The following TRPS1 variants were observed in gnomAD, a reference collection of about 807,000 sequenced individuals.
TRPS1 encodes transcriptional repressor GATA binding 1.
TRPS1 carries 6 observed loss-of-function variants against 101.2 expected under a neutral mutation model. The ratio of observed to expected loss-of-function variants is 0.06; its 90% CI spans 0.03 to 0.12. The LOEUF (loss-of-function observed/expected upper bound fraction) is 0.12. Among genes scored for constraint, TRPS1 ranks in the 10% least tolerant of loss-of-function variants. The probability of loss-of-function intolerance (pLI) is 1.00; values close to 1 mark genes in which losing one functional copy is unlikely to be tolerated. For synonymous variants in TRPS1, 578 were observed against 589.8 expected, an observed-to-expected ratio of 0.98 and a Z score of 0.29; for missense variants, 1,363 against 1,567.0, an observed-to-expected ratio of 0.87 and a Z score of 2.20.
chr8:115,485,166 C>T (rs800908), intron 5 of TRPS1, among the ~76,000 whole-genome samples: 67,758 of 152,040 alleles, frequency 0.45, 15,725 homozygotes, highest in African/African-American at 0.55. Flanking sequence ...GTCAGAGAGA[C>T]GTGCATCACC....
At chr8:115,520,525 A>C (rs1302470531) in intron 5 of TRPS1, among the ~76,000 whole-genome samples, 1 of 151,832 alleles carries the variant, frequency 6.6e-6, no homozygotes, top group Non-Finnish European at 1.5e-5. Context: ...GAATATTTTA[A>C]AGATGACATC....
intron 5 of TRPS1, among the ~76,000 whole-genome samples, chr8:115,565,568 T>G (rs1459645793): frequency 6.6e-6 from 1 of 151,926 alleles, no homozygotes; most frequent in East Asian, 1.9e-4. Flanking sequence ...AGCGTGTGCT[T>G]TCATACATAC....
chr8:115,608,008 C>A (rs1818078924), intron 3 of TRPS1, among the ~76,000 whole-genome samples: 1 of 152,078 alleles, frequency 6.6e-6, no homozygotes, highest in African/African-American at 2.4e-5. Flanking sequence ...ACAGTGAGAA[C>A]AATTATGCAA....
At chr8:115,505,732 A>C (rs1815425968) in intron 5 of TRPS1, among the ~76,000 whole-genome samples, 1 of 152,108 alleles carries the variant, frequency 6.6e-6, no homozygotes, top group Non-Finnish European at 1.5e-5. Context: ...CGTGTAAAGC[A>C]TTTGGCACAA....
intron 5 of TRPS1, among the ~76,000 whole-genome samples, chr8:115,531,073 G>C (rs1816119639): frequency 6.6e-6 from 1 of 152,004 alleles, no homozygotes; most frequent in African/African-American, 2.4e-5. Context: ...AGAACTTAAA[G>C]TATAATAATA....
In TRPS1 at chr8:115,414,040, C is replaced by A. The variant is rs766186478; in HGVS notation, c.3868G>T (p.Gly1290Ter). The A allele has an allele frequency of 6.2e-7, 1 of 1,613,396 alleles. No individual in the cohort carries two copies. Among genetic ancestry groups the A allele is most frequent in the Non-Finnish European group, 8.5e-7 (1 of 1,179,762 alleles). Reference protein sequence around the residue: ...HRNNAQVEKNGKPKE With the variant: ...HRNNAQVEKN ...CTAAGGTTTTACTCTTTAGGTTTTC[C>A]ATTTTTTTCCACTTGTGCATTGTTC... Residue 1290 changes from glycine (G) to a stop codon, truncating the protein, a stop_gained, in exon 7 of 7, where the codon GGA (glycine) becomes TGA (stop). Coordinates refer to ENST00000395715, the MANE Select transcript of TRPS1 (RefSeq NM_014112.5). LOFTEE classifies it high-confidence loss of function. This position sits in a 1 kb window ranked among gnomAD's most constrained non-coding sequence, Gnocchi z 4.8.
At chr8:115,423,819 A>T (rs917803544) in intron 5 of TRPS1, among the ~76,000 whole-genome samples, 2 of 151,362 alleles carry the variant, frequency 1.3e-5, no homozygotes, top group African/African-American at 4.9e-5. Flanking sequence ...GACTTAAGAC[A>T]TTTTTTTTTA....
At chr8:115,481,198 A>G (rs941675228) in intron 5 of TRPS1, among the ~76,000 whole-genome samples, 1 of 152,142 alleles carries the variant, frequency 6.6e-6, no homozygotes, top group African/African-American at 2.4e-5. Context: ...CAGATCAGAT[A>G]TTTCAGGTTT....
chr8:115,562,876 CTGTGTGTGTG>C (rs10588354), intron 5 of TRPS1, among the ~76,000 whole-genome samples: 2,839 of 132,660 alleles, frequency 0.021, 94 homozygotes, highest in African/African-American at 0.067. Flanking sequence ...CCCACAGTGT[CTGTGTGTGTG>C]TGTGTGTGTG....
At chr8:115,439,704 C>G (rs1417632106) in intron 5 of TRPS1, among the ~76,000 whole-genome samples, 1 of 152,144 alleles carries the variant, frequency 6.6e-6, no homozygotes, top group Non-Finnish European at 1.5e-5. Context: ...AGCCGTTTGT[C>G]CCTTCTGCTG....
intron 3 of TRPS1, among the ~76,000 whole-genome samples, chr8:115,610,486 C>T (rs1443771314): frequency 1.3e-5 from 2 of 152,066 alleles, no homozygotes; most frequent in Admixed American, 1.3e-4. Flanking sequence ...AATTATATGG[C>T]ATCATCTGAC....
intron 5 of TRPS1, among the ~76,000 whole-genome samples, chr8:115,582,405 A>G (rs888116099): frequency 2.0e-5 from 3 of 152,230 alleles, no homozygotes; most frequent in African/African-American, 7.2e-5. Context: ...GGTATCAACA[A>G]TCTTTAAACT....
rs1031719618 is a variant in TRPS1 at position 115,413,150 on chromosome 8, G to A, written c.*873C>T. The A allele has an allele frequency of 1.7e-4, 26 of 152,246 alleles. No homozygotes were observed. The highest frequency in any genetic ancestry group is 6.3e-4 in the African/African-American group (26 of 41,560). The allele number at this position is 152,246 out of a possible 1,614,324, so 9.4% of individuals were successfully genotyped here. On this transcript the variant is annotated 3_prime_UTR_variant, in exon 7 of 7. Coordinates refer to ENST00000395715, the MANE Select transcript of TRPS1 (RefSeq NM_014112.5). ...TTCCTTTAGTTATAATGTGCCAAGT[G>A]AGATTAGTAACCAACAGGAGGCTTA... is the stretch of plus-strand genomic sequence containing the variant.
At chr8:115,516,325 C>T (rs930080867) in intron 5 of TRPS1, among the ~76,000 whole-genome samples, 2 of 151,360 alleles carry the variant, frequency 1.3e-5, no homozygotes, top group Admixed American at 6.6e-5. Context: ...CTCGTCTCTA[C>T]ATTTTATATT....
chr8:115,646,994 C>T, intron 1 of TRPS1, among the ~76,000 whole-genome samples: 1 of 145,044 alleles, frequency 6.9e-6, no homozygotes. Context: ...TCTAAACTTC[C>T]TTATGTTGTT....
intron 4 of TRPS1, 122 bp from the exon 5 acceptor site, chr8:115,587,726 C>T: frequency 6.5e-7 from 1 of 1,535,098 alleles, no homozygotes; most frequent in South Asian, 1.1e-5. Flanking sequence ...GAAAGAAATG[C>T]AATATTCTTA....
chr8:115,608,121 G>A (rs116621892), intron 3 of TRPS1, among the ~76,000 whole-genome samples: 12 of 152,176 alleles, frequency 7.9e-5, no homozygotes, highest in East Asian at 7.7e-4. Flanking sequence ...AATCCATCAC[G>A]GAGTAGGAAA....
chr8:115,414,143 A>G lies in TRPS1; in HGVS notation c.3765T>C (p.Pro1255=). 1 of 1,614,044 alleles carries G rather than the reference A, an allele frequency of 6.2e-7. No individual in the cohort carries two copies. The highest frequency in any genetic ancestry group is 1.1e-5 in the South Asian group (1 of 91,086). ...GATGCTGGCATATGCTGCACTGGAA[A>G]GGTCCACTGTCACCATGGCAACTCA... The part of the protein sequence containing the change: ...LHMSCHGDSG[P]FQCSICQHLC... Residue 1255 remains proline (P), a synonymous_variant, in exon 7 of 7, where the codon CCT becomes CCC. Coordinates refer to ENST00000395715, the MANE Select transcript of TRPS1 (RefSeq NM_014112.5). This position sits in a 1 kb window ranked among gnomAD's most constrained non-coding sequence, Gnocchi z 4.8.
chr8:115,446,784 C>A (rs1813748979), intron 5 of TRPS1, among the ~76,000 whole-genome samples: 1 of 152,144 alleles, frequency 6.6e-6, no homozygotes, highest in African/African-American at 2.4e-5. Flanking sequence ...ATACATTGGG[C>A]ATTATTCAAT....
Sources: allele counts gnomAD v4.1 joint callset (sites outside exome capture counted in the v4.1 genomes callset), GRCh38; gene constraint gnomAD v4.1.1; non-coding constraint Gnocchi (gnomAD v3.1); transcripts MANE v1.5; gene names NCBI Gene and HGNC (gene_info 2026-07-23, HGNC 2026-07-21).